The following ADGRD1 variants were observed in gnomAD, a reference collection of about 807,000 sequenced individuals.
ADGRD1 encodes the protein G-protein coupled receptor 133.
In ADGRD1, 77 loss-of-function variants were observed where a neutral mutation model predicts 113.4. That is an observed-to-expected ratio of 0.68 (90% CI 0.57 to 0.82). The LOEUF (loss-of-function observed/expected upper bound fraction) is 0.82. Among genes scored for constraint, ADGRD1 ranks in the 40% least tolerant of loss-of-function variants. ADGRD1 has a pLI of 0.00. For missense variants in ADGRD1, 1,036 were observed against 1,139.1 expected, an observed-to-expected ratio of 0.91 and a Z score of 1.30; for synonymous variants, 474 against 475.0, an observed-to-expected ratio of 1.00 and a Z score of 0.03.
rs1871601833 is a variant in ADGRD1 at position 130,971,254 on chromosome 12, C to T, written c.188-204C>T. ...ATATTAAATTTTTATCTGACATACACATTAATAATTTACAATTTAATTACT... is the reference window on the plus strand; with the variant it reads ...ATATTAAATTTTTATCTGACATACATATTAATAATTTACAATTTAATTACT... On this transcript the variant is annotated intron_variant, in intron 3 of 24. Coordinates refer to ENST00000261654, the MANE Select transcript of ADGRD1 (RefSeq NM_198827.5). This position sits in a 1 kb window ranked among gnomAD's most constrained non-coding sequence, Gnocchi z 4.2. The T allele has an allele frequency of 3.8e-6, 1 of 261,010 alleles. No individual in the cohort carries two copies. Among genetic ancestry groups the T allele is most frequent in the Non-Finnish European group, 7.2e-6 (1 of 138,604 alleles). The allele number at this position is 261,010 out of a possible 1,614,324, so 16.2% of individuals were successfully genotyped here.
At chr12:130,959,579 T>G (rs1423230511) in intron 2 of ADGRD1, among the ~76,000 whole-genome samples, 1 of 152,110 alleles carries the variant, frequency 6.6e-6, no homozygotes, top group Admixed American at 6.5e-5. Flanking sequence ...TCAAAAAATA[T>G]CTATATATTT....
At chr12:131,047,992 G>A (rs564363823) in intron 13 of ADGRD1, among the ~76,000 whole-genome samples, 1 of 152,356 alleles carries the variant, frequency 6.6e-6, no homozygotes, top group East Asian at 1.9e-4. Context: ...TCACAGGGGT[G>A]AGATGGGGGT....
In ADGRD1 at chr12:131,139,305, A is replaced by C. The variant is rs1276534747; in HGVS notation, c.*42A>C. On this transcript the variant is annotated 3_prime_UTR_variant, in exon 25 of 25. Transcript: ENST00000261654. ...CCAGGCCAGGCTGCGCTCAGAACAC[A>C]CCCCCCCAAACAGAATGAAATGCCC... 5 of 1,250,780 alleles carry C rather than the reference A, an allele frequency of 4.0e-6. No homozygotes were observed. Among genetic ancestry groups the C allele is most frequent in the Admixed American group, 3.7e-5 (2 of 54,602 alleles). The allele number at this position is 1,250,780 out of a possible 1,614,324, so 77.5% of individuals were successfully genotyped here.
At chr12:130,978,049 C>CAAAA (rs1411543163) in intron 4 of ADGRD1, 1 of 152,292 alleles carries the variant, frequency 6.6e-6, no homozygotes. Context: ...TCAGTTTTCT[C>CAAAA]CCCTGTGAAA....
intron 18 of ADGRD1, among the ~76,000 whole-genome samples, chr12:131,114,051 A>G (rs1288588408): frequency 6.6e-6 from 1 of 152,218 alleles, no homozygotes; most frequent in Non-Finnish European, 1.5e-5. Flanking sequence ...CAGCTGGGTG[A>G]ACGAAAAGTG....
intron 13 of ADGRD1, among the ~76,000 whole-genome samples, chr12:131,055,390 C>G (rs886460589): frequency 1.3e-5 from 2 of 152,230 alleles, no homozygotes; most frequent in Non-Finnish European, 2.9e-5. Flanking sequence ...AGCACACTGA[C>G]TTCAGCGTTC....
intron 13 of ADGRD1, among the ~76,000 whole-genome samples, chr12:131,048,772 C>T (rs1366583515): frequency 4.6e-5 from 7 of 152,156 alleles, no homozygotes; most frequent in South Asian, 2.1e-4. Context: ...CTGTGCACCA[C>T]GGGGCTACAC....
intron 13 of ADGRD1, among the ~76,000 whole-genome samples, chr12:131,064,865 G>C (rs1884593757): frequency 6.6e-6 from 1 of 152,176 alleles, no homozygotes; most frequent in Non-Finnish European, 1.5e-5. Flanking sequence ...TGCTCCTTTT[G>C]GGTACACTGG....
At chr12:131,012,557 G>T (rs1164858532) in intron 12 of ADGRD1, among the ~76,000 whole-genome samples, 1 of 152,174 alleles carries the variant, frequency 6.6e-6, no homozygotes, top group African/African-American at 2.4e-5. Context: ...AATTCTGCGT[G>T]CTTCTTGGAG....
At chr12:131,052,394 C>T (rs1034512480) in intron 13 of ADGRD1, among the ~76,000 whole-genome samples, 1 of 152,186 alleles carries the variant, frequency 6.6e-6, no homozygotes, top group African/African-American at 2.4e-5. Flanking sequence ...CACCTGTTCC[C>T]GAACTCAGTC....
intron 18 of ADGRD1, among the ~76,000 whole-genome samples, chr12:131,117,274 T>C (rs1372401346): frequency 6.6e-6 from 1 of 152,156 alleles, no homozygotes; most frequent in Non-Finnish European, 1.5e-5. Context: ...TTAAACACAT[T>C]TAATTTGTCA....
intron 13 of ADGRD1, among the ~76,000 whole-genome samples, chr12:131,031,315 C>G (rs1880713731): frequency 6.6e-6 from 1 of 152,194 alleles, no homozygotes; most frequent in Non-Finnish European, 1.5e-5. Flanking sequence ...TGGACGGTGG[C>G]CTTCATCCCT....
intron 23 of ADGRD1, 118 bp downstream of exon 23, chr12:131,137,132 G>T (rs1951106916): frequency 1.2e-6 from 1 of 839,034 alleles, no homozygotes; most frequent in Non-Finnish European, 2.0e-6. Context: ...CAAATCCTGA[G>T]CCAGCCACGT....
At chr12:131,012,862 G>T (rs1265405264) in intron 12 of ADGRD1, among the ~76,000 whole-genome samples, 1 of 152,220 alleles carries the variant, frequency 6.6e-6, no homozygotes. Flanking sequence ...ACAGGACCCG[G>T]GTGAGGCCCA....
chr12:131,115,615 G>A (rs1013266017), intron 18 of ADGRD1, among the ~76,000 whole-genome samples: 5 of 152,134 alleles, frequency 3.3e-5, no homozygotes, highest in East Asian at 3.8e-4. Flanking sequence ...GGACAGCACC[G>A]GTCTGGTCCC....
At chr12:131,002,320 A>T (rs1420496834) in intron 9 of ADGRD1, among the ~76,000 whole-genome samples, 1 of 152,260 alleles carries the variant, frequency 6.6e-6, no homozygotes, top group Admixed American at 6.5e-5. Context: ...ACAGAACTGC[A>T]TGCCAGAAAC....
chr12:131,049,750 C>T (rs1883192916), intron 13 of ADGRD1, among the ~76,000 whole-genome samples: 1 of 152,122 alleles, frequency 6.6e-6, no homozygotes. Flanking sequence ...TGGGGCCGGG[C>T]AGTGGGGCTG....
intron 13 of ADGRD1, among the ~76,000 whole-genome samples, chr12:131,033,005 C>T (rs149355234): frequency 0.011 from 1,595 of 151,802 alleles, 26 homozygotes; most frequent in African/African-American, 0.036. Flanking sequence ...TTAGAGAAAT[C>T]GCCACCCCGT....
chr12:131,125,249 C>A (rs1308980422), intron 20 of ADGRD1, among the ~76,000 whole-genome samples: 2 of 152,174 alleles, frequency 1.3e-5, no homozygotes, highest in African/African-American at 2.4e-5. Flanking sequence ...CATAGTTCAG[C>A]CCATAACGCC....
Sources: allele counts gnomAD v4.1 joint callset (sites outside exome capture counted in the v4.1 genomes callset), GRCh38; gene constraint gnomAD v4.1.1; non-coding constraint Gnocchi (gnomAD v3.1); transcripts MANE v1.5; gene names NCBI Gene and HGNC (gene_info 2026-07-23, HGNC 2026-07-21).